The following STK3 variants were observed in gnomAD, a reference collection of about 807,000 sequenced individuals.
STK3 encodes serine/threonine kinase 3.
In STK3, 41 loss-of-function variants were observed where a neutral mutation model predicts 58.0. The observed-to-expected ratio is 0.71, with a 90% CI of 0.55 to 0.92. The LOEUF (loss-of-function observed/expected upper bound fraction) is 0.92, where lower values mean the gene tolerates loss of function less well. STK3 is among the 40% of genes least tolerant of loss of function. STK3 has a pLI of 0.00. For missense variants in STK3, 479 were observed against 602.7 expected, an observed-to-expected ratio of 0.79 and a Z score of 2.15; for synonymous variants, 170 against 191.0, an observed-to-expected ratio of 0.89 and a Z score of 0.91.
At chr8:98,672,391 G>T (rs1587248784) in intron 6 of STK3, among the ~76,000 whole-genome samples, 1 of 152,080 alleles carries the variant, frequency 6.6e-6, no homozygotes, top group Non-Finnish European at 1.5e-5. Context: ...GGGAAAGAAA[G>T]AATTTTTGTT....
At chr8:98,427,870 T>C in intron 3 of STK3, 1 of 859,046 alleles carries the variant, frequency 1.2e-6, no homozygotes, top group Middle Eastern at 3.3e-4. Context: ...CCGCCAGTAA[T>C]GGGTAGGGAG....
At chr8:98,541,565 T>C (rs750902579) in intron 9 of STK3, among the ~76,000 whole-genome samples, 1 of 152,180 alleles carries the variant, frequency 6.6e-6, no homozygotes, top group Non-Finnish European at 1.5e-5. Context: ...AACACATTAA[T>C]ACAATCTCTG....
chr8:98,930,263 C>G (rs531598378), intron 1 of STK3, among the ~76,000 whole-genome samples: 1 of 152,320 alleles, frequency 6.6e-6, no homozygotes, highest in South Asian at 2.1e-4. Context: ...GGTTCCTGTT[C>G]TCTCAGGCCC....
intron 9 of STK3, among the ~76,000 whole-genome samples, chr8:98,533,237 C>T (rs13270534): frequency 0.37 from 56,826 of 151,796 alleles, 10,950 homozygotes; most frequent in Admixed American, 0.5. Flanking sequence ...GTGTTATTTA[C>T]TCTTTTTTAA....
At chr8:98,717,832 T>C (rs1465586038) in intron 4 of STK3, among the ~76,000 whole-genome samples, 4 of 152,202 alleles carry the variant, frequency 2.6e-5, no homozygotes, top group African/African-American at 9.6e-5. Flanking sequence ...AAGTAAAATG[T>C]GGTAGAAACA....
At chr8:98,426,105 A>T (rs1485278150) in intron 3 of STK3, among the ~76,000 whole-genome samples, 1 of 152,148 alleles carries the variant, frequency 6.6e-6, no homozygotes, top group Non-Finnish European at 1.5e-5. Flanking sequence ...TCCTGAGCAC[A>T]TCTACCAGTC....
At chr8:98,480,428 A>G (rs1175041507) in intron 10 of STK3, among the ~76,000 whole-genome samples, 2 of 152,232 alleles carry the variant, frequency 1.3e-5, no homozygotes, top group Admixed American at 1.3e-4. Context: ...CACTTTAAAT[A>G]TAAAGGCACA....
chr8:98,395,201 C>CT (rs1231873006), intron 3 of STK3, among the ~76,000 whole-genome samples: 1 of 151,900 alleles, frequency 6.6e-6, no homozygotes, highest in African/African-American at 2.4e-5. Flanking sequence ...CTGACCTAGT[C>CT]TGACTAATAC....
intron 4 of STK3, among the ~76,000 whole-genome samples, chr8:98,712,910 A>G (rs1393666824): frequency 2.0e-5 from 3 of 152,146 alleles, no homozygotes; most frequent in Non-Finnish European, 4.4e-5. Flanking sequence ...CAAATGTAAA[A>G]GAACAGAAAT....
At chr8:98,710,343 C>T (rs1362779720) in intron 4 of STK3, among the ~76,000 whole-genome samples, 1 of 152,188 alleles carries the variant, frequency 6.6e-6, no homozygotes, top group Non-Finnish European at 1.5e-5. Context: ...CAGGGCGGGG[C>T]ATCACCTCAC....
chr8:98,656,465 C>A (rs1821535480), intron 6 of STK3, among the ~76,000 whole-genome samples: 1 of 150,302 alleles, frequency 6.7e-6, no homozygotes, highest in Admixed American at 6.8e-5. Context: ...TGCACATGTA[C>A]CCTAAAACTT....
upstream of STK3, among the ~76,000 whole-genome samples, chr8:98,829,170 T>C (rs1445208676): frequency 6.6e-6 from 1 of 152,194 alleles, no homozygotes; most frequent in Non-Finnish European, 1.5e-5. Context: ...GACCTAGGGC[T>C]AGCTGTGTTC....
chr8:98,690,804 A>C (rs1047556206), intron 6 of STK3, among the ~76,000 whole-genome samples: 1 of 152,178 alleles, frequency 6.6e-6, no homozygotes, highest in Non-Finnish European at 1.5e-5. Context: ...ACTATACTAC[A>C]TGGTACTGTA....
chr8:98,603,762 GGGAAGAAGGAAAGGAA>G (rs1382705718), intron 6 of STK3, among the ~76,000 whole-genome samples: 37 of 151,722 alleles, frequency 2.4e-4, no homozygotes, highest in East Asian at 1.4e-3. Context: ...TGGGAAGGAA[GGGAAGAAGGAAAGGAA>G]GGAAGAAGGA....
At chr8:98,691,719 G>A (rs1386882430) in intron 6 of STK3, among the ~76,000 whole-genome samples, 2 of 152,052 alleles carry the variant, frequency 1.3e-5, no homozygotes, top group Non-Finnish European at 2.9e-5. Context: ...GAATCAAAAG[G>A]TCAAGAGATC....
chr8:98,894,372 A>G lies in STK3; in HGVS notation c.-78-10538T>C, dbSNP rs906556128. On this transcript the variant is annotated intron_variant, in intron 1 of 1. Transcript: ENST00000519420. ...AAAATATCTGAGCCACAGCTGCAAC[A>G]TCCTAACTTTTTCCAGTACATCATT... 3.9e-5 allele frequency among the ~76,000 whole-genome samples: 6 copies of G among 152,162 alleles called. No individual in the cohort carries two copies. The East Asian group carries it at 1.2e-3, about 29-fold the overall frequency.
intron 6 of STK3, among the ~76,000 whole-genome samples, chr8:98,638,812 G>A (rs533097241): frequency 6.6e-6 from 1 of 152,146 alleles, no homozygotes; most frequent in South Asian, 2.1e-4. Flanking sequence ...GCACAGAGGG[G>A]GTGGTTTAAA....
At chr8:98,688,458 C>T (rs1280589579) in intron 6 of STK3, among the ~76,000 whole-genome samples, 1 of 152,040 alleles carries the variant, frequency 6.6e-6, no homozygotes, top group African/African-American at 2.4e-5. Flanking sequence ...ACCAAACAAC[C>T]ACAGAATATA....
At chr8:98,915,432 C>CCATATATATA (rs1554701843) in intron 1 of STK3, among the ~76,000 whole-genome samples, 1 of 94,720 alleles carries the variant, frequency 1.1e-5, no homozygotes, top group Admixed American at 1.2e-4. Flanking sequence ...ATAAACTTTC[C>CCATATATATA]TATATATATA....
Sources: allele counts gnomAD v4.1 joint callset (sites outside exome capture counted in the v4.1 genomes callset), GRCh38; gene constraint gnomAD v4.1.1; transcripts MANE v1.5; gene names NCBI Gene and HGNC (gene_info 2026-07-23, HGNC 2026-07-21).